Variants in ADNP observed in about 807,000 individuals in gnomAD.
ADNP encodes the protein activity-dependent neuroprotector homeobox protein.
In ADNP, 4 loss-of-function variants were observed where a neutral mutation model predicts 84.9. That is an observed-to-expected ratio of 0.05 (90% confidence interval 0.02 to 0.11). ADNP has a LOEUF of 0.11. Ranked by LOEUF, ADNP falls within the 10% of genes least tolerant of loss-of-function variation. ADNP has a pLI of 1.00. For missense variants in ADNP, 1,132 were observed against 1,326.0 expected, an observed-to-expected ratio of 0.85 and a Z score of 2.27; for synonymous variants, 554 against 468.1, an observed-to-expected ratio of 1.18 and a Z score of -2.37.
At chr20:50,928,000 A>T (rs1984400068) in intron 2 of ADNP, among the ~76,000 whole-genome samples, 1 of 152,246 alleles carries the variant, frequency 6.6e-6, no homozygotes, top group African/African-American at 2.4e-5. Context: ...GTATTTAAAA[A>T]TTTAAATAAT....
intron 2 of ADNP, among the ~76,000 whole-genome samples, chr20:50,922,746 A>T (rs1475738934): frequency 6.6e-6 from 1 of 151,414 alleles, no homozygotes; most frequent in Non-Finnish European, 1.5e-5. Context: ...AACCCAGCTA[A>T]TTTTTTTTGT....
intron 5 of ADNP, among the ~76,000 whole-genome samples, chr20:50,896,761 T>C (rs1048520159): frequency 1.3e-5 from 2 of 150,082 alleles, no homozygotes; most frequent in African/African-American, 5.0e-5. Context: ...TTCTTCTGGA[T>C]AACTGCAGAA....
intron 2 of ADNP, among the ~76,000 whole-genome samples, chr20:50,919,250 A>C (rs1326112679): frequency 1.3e-5 from 2 of 148,808 alleles, no homozygotes; most frequent in East Asian, 4.0e-4. Flanking sequence ...GCTTGAGCCC[A>C]AGAGTTCAAG....
intron 2 of ADNP, among the ~76,000 whole-genome samples, chr20:50,924,976 A>C (rs1004121143): frequency 2.0e-5 from 3 of 152,062 alleles, no homozygotes; most frequent in African/African-American, 4.8e-5. Context: ...TTATTTTCTA[A>C]ATCTTTATTT....
chr20:50,898,707 CATG>C (rs1459130852), intron 5 of ADNP, among the ~76,000 whole-genome samples: 7 of 152,128 alleles, frequency 4.6e-5, no homozygotes, highest in Non-Finnish European at 1.0e-4. Flanking sequence ...GCTTAGGGGC[CATG>C]ATGAACAAAA....
Position 50,892,809 on chromosome 20 carries a change from T to C in ADNP, c.1905A>G (p.Ile635Met). Residue 635 changes from isoleucine to methionine, a missense_variant, in exon 6 of 6, where the codon ATA becomes ATG. Ile to Met is a conservative substitution (Grantham distance 10). Around this residue, in one of 10 missense-constraint regions of ADNP, gnomAD observed 39 missense variants for 96.2 expected, o/e 0.41. Transcript: ENST00000621696. ...GTAAGTGATGTGCAAGTGCATCAGA[T>C]ATGGGTCCTTTTAGGATTGAAAAGC... is the stretch of plus-strand genomic sequence containing the variant. ...PLCFSILKGP[I>M]SDALAHHLRE... 6.2e-7 allele frequency: 1 copy of C among 1,614,222 alleles called. No homozygotes were observed. Among genetic ancestry groups the C allele is most frequent in the Non-Finnish European group, 8.5e-7 (1 of 1,180,040 alleles).
chr20:50,911,505 C>A (rs1373849578), intron 2 of ADNP, among the ~76,000 whole-genome samples: 1 of 148,440 alleles, frequency 6.7e-6, no homozygotes, highest in Non-Finnish European at 1.5e-5. Context: ...GATTTCTTTT[C>A]TTTTCTTTTT....
chr20:50,901,572 A>C (rs571172989), intron 5 of ADNP, among the ~76,000 whole-genome samples: 45 of 152,298 alleles, frequency 3.0e-4, no homozygotes, highest in East Asian at 1.5e-3. Flanking sequence ...AAGAAGTTTT[A>C]TCTCTCTGTC....
chr20:50,919,276 TAC>T (rs1983748136), intron 2 of ADNP, among the ~76,000 whole-genome samples: 3 of 110,536 alleles, frequency 2.7e-5, no homozygotes, highest in African/African-American at 1.5e-4. Flanking sequence ...CCTGAAAAAA[TAC>T]ATATATTTAA....
chr20:50,930,771 C>A, intron 1 of ADNP, 55 bp downstream of exon 1: 1 of 150,706 alleles, frequency 6.6e-6, no homozygotes, highest in South Asian at 1.8e-4. Context: ...GGGCCGGGGT[C>A]GGGAAGCCAG....
At chr20:50,903,345 C>T (rs1299870963) in intron 4 of ADNP, among the ~76,000 whole-genome samples, 2 of 152,102 alleles carry the variant, frequency 1.3e-5, no homozygotes, top group African/African-American at 4.8e-5. Flanking sequence ...AACTGTTATA[C>T]AAGGGGGAAA....
At chr20:50,895,841 T>C (rs1568713839) in intron 5 of ADNP, among the ~76,000 whole-genome samples, 1 of 152,214 alleles carries the variant, frequency 6.6e-6, no homozygotes, top group Non-Finnish European at 1.5e-5. Context: ...AAAAATATTT[T>C]TTCTTCAATA....
chr20:50,889,423 A>AACTT lies in ADNP; in HGVS notation c.*1978_*1981dup, dbSNP rs1980414165. ...CCTAAGTTTTGGCTGGTGCATGTAG[A>AACTT]ACTTATAATCTACCTGTATAACAAC... On this transcript the variant is annotated 3_prime_UTR_variant, in exon 6 of 6. Transcript: ENST00000621696. 1 of 153,754 alleles carries AACTT rather than the reference A, an allele frequency of 6.5e-6. No homozygotes were observed. The highest frequency in any genetic ancestry group is 2.1e-4 in the South Asian group (1 of 4,834). The allele number at this position is 153,754 out of a possible 1,614,324, so 9.5% of individuals were successfully genotyped here. A position where few individuals can be genotyped will look rare whatever the true frequency, so the allele number is the denominator to read the frequency against.
At chr20:50,926,721 A>G (rs542254811) in intron 2 of ADNP, among the ~76,000 whole-genome samples, 4 of 152,176 alleles carry the variant, frequency 2.6e-5, no homozygotes, top group Non-Finnish European at 5.9e-5. Flanking sequence ...CCCAATTGTG[A>G]AATCAAGTGA....
At position 50,889,687 on chromosome 20, in the gene ADNP, C is replaced by T. The variant is rs974015897; in HGVS notation, c.*1718G>A. ...CCTTGAGGTGACTGACCAGCCTCCT[C>T]ATGGATTGGAGTTTCCCATCATTGT... On this transcript the variant is annotated 3_prime_UTR_variant, in exon 6 of 6. Coordinates refer to ENST00000621696, the MANE Select transcript of ADNP (RefSeq NM_001282531.3). 2 of 390,542 alleles carry T rather than the reference C, an allele frequency of 5.1e-6. No individual in the cohort carries two copies. Among genetic ancestry groups the T allele is most frequent in the Non-Finnish European group, 9.0e-6 (2 of 221,506 alleles). 24.2% of individuals were successfully genotyped at this position (390,542 alleles called of 1,614,324 possible). A position where few individuals can be genotyped will look rare whatever the true frequency, so the allele number is the denominator to read the frequency against.
Position 50,891,942 on chromosome 20 carries a change from C to A in ADNP, c.2772G>T (p.Glu924Asp). The change falls in exon 6 of 6, where the codon GAG (glutamate) becomes GAT (aspartate). Residue 924 changes from glutamate (E) to aspartate (D), a missense_variant. This residue lies in a region of ADNP where 381 missense variants were observed against 319.9 expected (regional missense o/e 1.19). Transcript: ENST00000621696. ...CATCCTCTTTTTGGTCTAGCTTCTC[C>A]TCAGATTCTGAAGCATCCTCAGGAA... ...KVIPEDASES[E>D]EKLDQKEDGS... 6.2e-7 allele frequency: 1 copy of A among 1,614,204 alleles called. No individual in the cohort carries two copies. The highest frequency in any genetic ancestry group is 8.5e-7 in the Non-Finnish European group (1 of 1,180,040).
At chr20:50,913,902 T>C (rs1307624987) in intron 2 of ADNP, 2 of 634,548 alleles carry the variant, frequency 3.2e-6, no homozygotes, top group Non-Finnish European at 5.9e-6. Context: ...TGAATTTTTG[T>C]TTCAACTTGG....
intron 2 of ADNP, chr20:50,914,188 A>AT: frequency 1.3e-6 from 1 of 774,858 alleles, no homozygotes; most frequent in South Asian, 1.5e-5. Context: ...CTTCAAGATG[A>AT]TTCATATCCT....
chr20:50,901,553 C>A (rs1446331570), intron 5 of ADNP, among the ~76,000 whole-genome samples: 10 of 152,018 alleles, frequency 6.6e-5, no homozygotes. Context: ...GTTTTTAATG[C>A]CAATTTGTAA....
Sources: allele counts gnomAD v4.1 joint callset (sites outside exome capture counted in the v4.1 genomes callset), GRCh38; gene constraint gnomAD v4.1.1; regional missense constraint gnomAD v4.1.1; transcripts MANE v1.5; gene names NCBI Gene and HGNC (gene_info 2026-07-23, HGNC 2026-07-21).